VPS45: variants seen among roughly 807,000 people sequenced by gnomAD.
VPS45 encodes vacuolar protein sorting 45 homolog.
In VPS45, 35 loss-of-function variants were observed where a neutral mutation model predicts 75.9. That is an observed-to-expected ratio of 0.46 (90% CI 0.35 to 0.61). The LOEUF (loss-of-function observed/expected upper bound fraction) is 0.61. VPS45 is among the 20% of genes least tolerant of loss of function. VPS45 has a pLI of 0.00. For missense variants in VPS45, 559 were observed against 685.9 expected (o/e 0.81, Z 2.07); for synonymous variants, 220 against 238.2 (o/e 0.92, Z 0.70).
At chr1:150,101,349 A>G (rs587645122) in intron 13 of VPS45, among the ~76,000 whole-genome samples, 1 of 152,332 alleles carries the variant, frequency 6.6e-6, no homozygotes, top group South Asian at 2.1e-4. Flanking sequence ...AGCATATGAA[A>G]AAAAACTCAG....
chr1:150,069,317 G>A (rs1386819788), intron 2 of VPS45, among the ~76,000 whole-genome samples: 4 of 151,694 alleles, frequency 2.6e-5, no homozygotes, highest in Non-Finnish European at 5.9e-5. Flanking sequence ...AATTCTACAT[G>A]CTCATTCCTG....
At chr1:150,132,628 T>C (rs1287151335) in intron 14 of VPS45, among the ~76,000 whole-genome samples, 4 of 152,220 alleles carry the variant, frequency 2.6e-5, no homozygotes, top group Non-Finnish European at 4.4e-5. Flanking sequence ...TTAGAGCTTC[T>C]GAGCCTAAGT....
chr1:150,068,906 T>C (rs1654876040), intron 2 of VPS45, 142 bp downstream of exon 2: 1 of 893,494 alleles, frequency 1.1e-6, no homozygotes, highest in Non-Finnish European at 1.6e-6. Flanking sequence ...ATAACCTTCA[T>C]TTTTCTTGTT....
At chr1:150,138,134 C>T (rs1659209982) in intron 14 of VPS45, among the ~76,000 whole-genome samples, 3 of 152,104 alleles carry the variant, frequency 2.0e-5, no homozygotes, top group Admixed American at 2.0e-4. Context: ...GCATTCAGGC[C>T]TTCACTCCCA....
intron 14 of VPS45, among the ~76,000 whole-genome samples, chr1:150,116,548 A>C (rs1657941776): frequency 6.6e-6 from 1 of 152,188 alleles, no homozygotes; most frequent in African/African-American, 2.4e-5. Flanking sequence ...TGGAAGCCAG[A>C]ACCCATGCTT....
intron 14 of VPS45, among the ~76,000 whole-genome samples, chr1:150,111,890 G>A (rs1409534625): frequency 1.3e-5 from 2 of 152,014 alleles, no homozygotes; most frequent in African/African-American, 2.4e-5. Flanking sequence ...GGATCTCATC[G>A]TACATTCTGT....
chr1:150,080,152 T>TG (rs1655622345), intron 7 of VPS45, among the ~76,000 whole-genome samples: 2 of 151,204 alleles, frequency 1.3e-5, no homozygotes, highest in African/African-American at 4.9e-5. Context: ...GTTGTACGTT[T>TG]TTTTTTTTTT....
intron 13 of VPS45, among the ~76,000 whole-genome samples, chr1:150,105,082 C>T (rs943282447): frequency 7.2e-5 from 11 of 152,152 alleles, no homozygotes; most frequent in Non-Finnish European, 1.6e-4. Flanking sequence ...CCCTTTTCTC[C>T]GCATCCATGC....
intron 8 of VPS45, 110 bp from the exon 9 acceptor site, chr1:150,081,774 A>G (rs587637536): frequency 2.8e-6 from 2 of 723,152 alleles, no homozygotes; most frequent in Admixed American, 3.0e-5. Context: ...TAATTAAAAT[A>G]GAATTTCCCT....
At chr1:150,126,846 A>G (rs1025063647) in intron 14 of VPS45, among the ~76,000 whole-genome samples, 6 of 152,184 alleles carry the variant, frequency 3.9e-5, no homozygotes, top group Admixed American at 3.3e-4. Flanking sequence ...CGCACCTGTA[A>G]TCATAGCTAC....
intron 14 of VPS45, among the ~76,000 whole-genome samples, chr1:150,128,302 T>TAAA (rs56026495): frequency 1.4e-5 from 2 of 145,328 alleles, no homozygotes; most frequent in African/African-American, 5.2e-5. Flanking sequence ...ACCCTTGTCT[T>TAAA]AAAAAAAAAA....
chr1:150,126,262 G>A (rs1553810692), intron 14 of VPS45, among the ~76,000 whole-genome samples: 2 of 151,964 alleles, frequency 1.3e-5, no homozygotes, highest in African/African-American at 4.8e-5. Flanking sequence ...CCATGCTGGA[G>A]TGCAGTGGTG....
rs587741658 is a variant in VPS45, at chr1:150,128,163, G to A, written c.1626-16546G>A. On this transcript the variant is annotated intron_variant, in intron 14 of 14. Transcript: ENST00000644510. ...CAAAAATACAAAAAAATAGCTGGGC[G>A]TGATGGTGCGTGCCTGTGGTCCCAG... Among the ~76,000 whole-genome samples the A allele has an allele frequency of 7.9e-5, 12 of 152,122 alleles. 1 individual carries two copies. The highest frequency in any genetic ancestry group is 5.9e-4 in the Admixed American group (9 of 15,266).
chr1:150,130,994 AG>A (rs1328160704), intron 14 of VPS45, among the ~76,000 whole-genome samples: 1 of 152,184 alleles, frequency 6.6e-6, no homozygotes, highest in Non-Finnish European at 1.5e-5. Flanking sequence ...GGAAATACAG[AG>A]CTGGAACTCA....
chr1:150,069,293 C>A (rs1654896059), intron 2 of VPS45, among the ~76,000 whole-genome samples: 1 of 151,952 alleles, frequency 6.6e-6, no homozygotes, highest in Non-Finnish European at 1.5e-5. Flanking sequence ...AGCTAGGCTA[C>A]TGTTGGAATG....
chr1:150,132,821 G>T (rs868954317), intron 14 of VPS45, among the ~76,000 whole-genome samples: 9 of 152,266 alleles, frequency 5.9e-5, no homozygotes, highest in African/African-American at 2.2e-4. Flanking sequence ...AGCTTTTTCA[G>T]CTGTAAAATG....
chr1:150,078,243 G>A (rs1655506511), intron 7 of VPS45, among the ~76,000 whole-genome samples: 1 of 152,054 alleles, frequency 6.6e-6, no homozygotes, highest in African/African-American at 2.4e-5. Flanking sequence ...AACTTCATTG[G>A]TTCCCATTTG....
chr1:150,116,049 C>T (rs1421814062), intron 14 of VPS45, among the ~76,000 whole-genome samples: 1 of 152,154 alleles, frequency 6.6e-6, no homozygotes, highest in Non-Finnish European at 1.5e-5. Flanking sequence ...TTTTATCCTG[C>T]ATTTGTATGT....
chr1:150,144,528 C>T (rs797043112), intron 14 of VPS45, among the ~76,000 whole-genome samples, 181 bp from the exon 15 acceptor site: 4 of 152,140 alleles, frequency 2.6e-5, no homozygotes, highest in African/African-American at 9.6e-5. Flanking sequence ...AAGGACTGTC[C>T]TTGCAGTATG....
Sources: allele counts gnomAD v4.1 joint callset (sites outside exome capture counted in the v4.1 genomes callset), GRCh38; gene constraint gnomAD v4.1.1; transcripts MANE v1.5; gene names NCBI Gene and HGNC (gene_info 2026-07-23, HGNC 2026-07-21).